MRPS6: variants seen among roughly 807,000 people sequenced by gnomAD.
The protein encoded by MRPS6 is mitochondrial ribosomal protein S6.
MRPS6 carries 6 observed loss-of-function variants against 13.1 expected under a neutral mutation model. That is an observed-to-expected ratio of 0.46 (90% confidence interval 0.25 to 0.91). The LOEUF is 0.91. Ranked by LOEUF, MRPS6 falls within the 40% of genes least tolerant of loss-of-function variation. The probability of loss-of-function intolerance (pLI) is 0.18; values close to 1 mark genes in which losing one functional copy is unlikely to be tolerated. For synonymous variants in MRPS6, 61 were observed against 56.5 expected, an observed-to-expected ratio of 1.08 and a Z score of -0.36; for missense variants, 164 against 155.6, an observed-to-expected ratio of 1.05 and a Z score of -0.29.
intron 1 of MRPS6, chr21:34,101,666 A>G: frequency 2.0e-6 from 2 of 1,000,196 alleles, no homozygotes; most frequent in Non-Finnish European, 2.4e-6. Context: ...ACTTTAAGGC[A>G]TATTGGCATG....
chr21:34,088,978 A>G (rs1466701999), intron 1 of MRPS6, among the ~76,000 whole-genome samples: 1 of 152,094 alleles, frequency 6.6e-6, no homozygotes, highest in African/African-American at 2.4e-5. Flanking sequence ...TGAGTTACAC[A>G]AATGTTTGGT....
At chr21:34,077,075 A>T (rs1989350029) in intron 1 of MRPS6, among the ~76,000 whole-genome samples, 1 of 152,168 alleles carries the variant, frequency 6.6e-6, no homozygotes, top group Admixed American at 6.5e-5. Context: ...TGCAATGAGA[A>T]CTTTGAGGTA....
rs1248441379 is a variant in MRPS6, at chr21:34,111,556, A to G, written c.46-13785A>G. Among the ~76,000 whole-genome samples, 4 of 152,240 alleles carry G rather than the reference A, an allele frequency of 2.6e-5. No homozygotes were observed. The South Asian group carries it at 6.2e-4, about 24-fold the overall frequency. On this transcript the variant is annotated intron_variant, in intron 1 of 2. Coordinates refer to ENST00000399312, the MANE Select transcript of MRPS6 (RefSeq NM_032476.4). ...ACTCTCTGGGTGTATAGCACAGGGC[A>G]TAGATTTCAGACCCTTCACCATCTT...
At chr21:34,099,268 A>C in intron 1 of MRPS6, 1 of 1,000,064 alleles carries the variant, frequency 1.0e-6, no homozygotes, top group Non-Finnish European at 1.2e-6. Context: ...TCTTGTTTGG[A>C]AGTTGAGGCT....
At chr21:34,097,846 A>T in intron 1 of MRPS6, 1 of 997,200 alleles carries the variant, frequency 1.0e-6, no homozygotes, top group Non-Finnish European at 1.2e-6. Context: ...CTTGTGTGAT[A>T]CTTGTTTCAG....
chr21:34,081,326 A>T (rs1375128601), intron 1 of MRPS6, among the ~76,000 whole-genome samples: 1 of 152,166 alleles, frequency 6.6e-6, no homozygotes, highest in Non-Finnish European at 1.5e-5. Context: ...TGACCCCTAT[A>T]TTGAGGTTGG....
intron 1 of MRPS6, chr21:34,123,888 C>G (rs889573499): frequency 6.6e-6 from 1 of 152,152 alleles, no homozygotes; most frequent in African/African-American, 2.4e-5. Flanking sequence ...GTCCTCTACC[C>G]CATTGTCATT....
chr21:34,109,498 T>C (rs1979613790), intron 1 of MRPS6, among the ~76,000 whole-genome samples: 1 of 152,222 alleles, frequency 6.6e-6, no homozygotes, highest in South Asian at 2.1e-4. Flanking sequence ...ACAGCCTGCA[T>C]TTTTTCCTTA....
intron 1 of MRPS6, among the ~76,000 whole-genome samples, chr21:34,108,333 T>C (rs56823053): frequency 6.6e-6 from 1 of 152,162 alleles, no homozygotes; most frequent in African/African-American, 2.4e-5. Context: ...CAAGTACTTG[T>C]CGTTGTGCGG....
chr21:34,134,343 A>T (rs1382513441), intron 2 of MRPS6, among the ~76,000 whole-genome samples: 1 of 152,152 alleles, frequency 6.6e-6, no homozygotes, highest in Non-Finnish European at 1.5e-5. Flanking sequence ...TTTGTGGAAT[A>T]GTGGATTCGT....
intron 1 of MRPS6, among the ~76,000 whole-genome samples, chr21:34,084,521 G>A (rs112588067): frequency 0.011 from 1,646 of 152,270 alleles, 10 homozygotes; most frequent in Middle Eastern, 0.024. Context: ...TGAAGTAGGG[G>A]TGCAGGGGTT....
chr21:34,107,533 C>T lies in MRPS6; in HGVS notation c.46-17808C>T, dbSNP rs548519725. ...GGATATTAAAAACCATGTAAATAAC[C>T]TATTTCTCATCAAACTTGAACCCCT... On this transcript the variant is annotated intron_variant, in intron 1 of 2. Coordinates refer to ENST00000399312, the MANE Select transcript of MRPS6 (RefSeq NM_032476.4). Among the ~76,000 whole-genome samples, 492 of 152,200 alleles carry T rather than the reference C, an allele frequency of 3.2e-3. 1 individual carries two copies. Among genetic ancestry groups the T allele is most frequent in the Non-Finnish European group, 5.3e-3 (361 of 68,002 alleles).
intron 1 of MRPS6, chr21:34,095,948 G>A (rs773538127): frequency 1.2e-6 from 2 of 1,614,098 alleles, no homozygotes; most frequent in Non-Finnish European, 1.7e-6. Context: ...CCCTGAAAAT[G>A]CTGCGGAATC....
intron 1 of MRPS6, chr21:34,099,853 C>A: frequency 2.1e-6 from 1 of 466,938 alleles, no homozygotes; most frequent in African/African-American, 2.1e-5. Flanking sequence ...GTCCCTGAAG[C>A]TTGTCTTTCT....
intron 1 of MRPS6, chr21:34,097,954 A>G (rs1979049745): frequency 1.9e-5 from 19 of 995,340 alleles, no homozygotes; most frequent in East Asian, 1.1e-4. Context: ...TTGTACCACC[A>G]GTATATGGAA....
At chr21:34,085,695 G>A (rs780237581) in intron 1 of MRPS6, among the ~76,000 whole-genome samples, 8 of 148,936 alleles carry the variant, frequency 5.4e-5, no homozygotes, top group East Asian at 2.0e-4. Flanking sequence ...TCTGCCTCCC[G>A]GGTTTCACGC....
chr21:34,113,258 G>A (rs139763383), intron 1 of MRPS6, among the ~76,000 whole-genome samples: 1 of 152,134 alleles, frequency 6.6e-6, no homozygotes, highest in Admixed American at 6.6e-5. Context: ...AATCAGCATC[G>A]AAGAGGTGTC....
intron 1 of MRPS6, among the ~76,000 whole-genome samples, chr21:34,115,010 T>TA (rs1979846432): frequency 1.3e-5 from 2 of 152,208 alleles, no homozygotes; most frequent in Admixed American, 1.3e-4. Context: ...GTTTATGACT[T>TA]AAAGGCATTT....
chr21:34,126,070 C>G (rs1206891460), intron 2 of MRPS6, among the ~76,000 whole-genome samples: 3 of 152,180 alleles, frequency 2.0e-5, no homozygotes, highest in African/African-American at 7.2e-5. Context: ...AGATTTGAAT[C>G]TTCTCATGTT....
Sources: gnomAD v4.1 joint callset for allele counts (sites outside exome capture counted in the v4.1 genomes callset) on GRCh38, gnomAD v4.1.1 for gene constraint, MANE v1.5 for transcripts, NCBI Gene and HGNC (gene_info 2026-07-23, HGNC 2026-07-21) for gene names.